KCNH8: variants seen among roughly 807,000 people sequenced by gnomAD.
KCNH8 encodes voltage-gated delayed rectifier potassium channel KCNH8.
A neutral mutation model predicts 103.6 loss-of-function variants in KCNH8; 70 were observed. That is an observed-to-expected ratio of 0.68 (90% confidence interval 0.56 to 0.82). The LOEUF is 0.82. Among genes scored for constraint, KCNH8 ranks in the 40% least tolerant of loss-of-function variants. KCNH8 has a pLI of 0.00. For missense variants in KCNH8, 1,217 were observed against 1,329.9 expected (o/e 0.92, Z 1.32); for synonymous variants, 498 against 489.4 (o/e 1.02, Z -0.23).
At chr3:19,277,816 A>G (rs1289131244) in intron 2 of KCNH8, among the ~76,000 whole-genome samples, 1 of 152,160 alleles carries the variant, frequency 6.6e-6, no homozygotes, top group African/African-American at 2.4e-5. Context: ...TAAAGGTGTC[A>G]TTAACCTAAA....
intron 3 of KCNH8, among the ~76,000 whole-genome samples, chr3:19,296,502 T>C (rs1280248822): frequency 6.6e-6 from 1 of 152,244 alleles, no homozygotes; most frequent in Non-Finnish European, 1.5e-5. Flanking sequence ...TGCATTCCTT[T>C]CCTCTTCTAG....
intron 11 of KCNH8, among the ~76,000 whole-genome samples, chr3:19,501,006 T>C (rs1309559805): frequency 6.6e-6 from 1 of 151,024 alleles, no homozygotes; most frequent in African/African-American, 2.4e-5. Context: ...TTTGAAAGGA[T>C]CAACAAAATT....
chr3:19,240,175 C>G (rs1281374855), intron 1 of KCNH8, among the ~76,000 whole-genome samples: 1 of 152,028 alleles, frequency 6.6e-6, no homozygotes, highest in African/African-American at 2.4e-5. Flanking sequence ...GATGGTTTCT[C>G]CTGATTTTTT....
chr3:19,280,564 T>G (rs1182942411), intron 2 of KCNH8, among the ~76,000 whole-genome samples: 1 of 152,124 alleles, frequency 6.6e-6, no homozygotes, highest in Non-Finnish European at 1.5e-5. Context: ...ATTAGTGATA[T>G]TCATCTATTT....
intron 3 of KCNH8, among the ~76,000 whole-genome samples, chr3:19,285,464 G>T (rs2064817838): frequency 6.6e-6 from 1 of 152,048 alleles, no homozygotes; most frequent in Non-Finnish European, 1.5e-5. Context: ...GTTTATAAGA[G>T]ATAATATATG....
intron 1 of KCNH8, among the ~76,000 whole-genome samples, chr3:19,229,133 CTT>C (rs1332071978): frequency 8.5e-5 from 13 of 152,192 alleles, no homozygotes; most frequent in African/African-American, 2.9e-4. Flanking sequence ...CATTATTTGA[CTT>C]TATTACTTCT....
At chr3:19,373,544 T>A (rs1264957719) in intron 5 of KCNH8, among the ~76,000 whole-genome samples, 2 of 152,212 alleles carry the variant, frequency 1.3e-5, no homozygotes, top group Non-Finnish European at 2.9e-5. Flanking sequence ...GTTTTGTTGA[T>A]CCTTTCAAAA....
At chr3:19,424,135 A>C (rs2125159531) in intron 7 of KCNH8, among the ~76,000 whole-genome samples, 1 of 152,272 alleles carries the variant, frequency 6.6e-6, no homozygotes, top group South Asian at 2.1e-4. Flanking sequence ...GGAACCAAAA[A>C]GTTTCCATAG....
chr3:19,438,054 C>A, intron 7 of KCNH8, 110 bp from the exon 8 acceptor site: 1 of 839,682 alleles, frequency 1.2e-6, no homozygotes, highest in South Asian at 1.6e-5. Context: ...CCTTCTTCTT[C>A]CTCTGAGCAA....
At chr3:19,298,276 A>G (rs985784479) in intron 3 of KCNH8, among the ~76,000 whole-genome samples, 7 of 152,220 alleles carry the variant, frequency 4.6e-5, no homozygotes, top group African/African-American at 1.7e-4. Context: ...CTGCCAGGTC[A>G]CGGTGATGGA....
intron 7 of KCNH8, among the ~76,000 whole-genome samples, chr3:19,409,922 TG>T (rs933550146): frequency 5.9e-5 from 9 of 152,068 alleles, no homozygotes; most frequent in African/African-American, 1.7e-4. Context: ...ACAATAATAG[TG>T]GGGGTATTCA....
chr3:19,429,131 GT>G (rs1412289277), intron 7 of KCNH8, among the ~76,000 whole-genome samples: 5 of 119,388 alleles, frequency 4.2e-5, no homozygotes, highest in Non-Finnish European at 7.1e-5. Flanking sequence ...TTACTTATAT[GT>G]TTTTAAATGC....
At chr3:19,178,269 A>T (rs2063419577) in intron 1 of KCNH8, among the ~76,000 whole-genome samples, 1 of 148,150 alleles carries the variant, frequency 6.7e-6, no homozygotes, top group South Asian at 2.1e-4. Context: ...TAGTCATTTT[A>T]AGTTTTTGTT....
At chr3:19,343,482 GT>G (rs749781840) in intron 4 of KCNH8, among the ~76,000 whole-genome samples, 4 of 152,052 alleles carry the variant, frequency 2.6e-5, no homozygotes, top group Non-Finnish European at 5.9e-5. Flanking sequence ...GATACTCAAA[GT>G]TTTAAGATAA....
intron 1 of KCNH8, among the ~76,000 whole-genome samples, chr3:19,201,231 CAAAAAAAAAAAAAAAA>C (rs1170312203): frequency 1.4e-4 from 3 of 22,054 alleles, no homozygotes; most frequent in Admixed American, 2.0e-3. Flanking sequence ...GACTCTGCCT[CAAAAAAAAAAAAAAAA>C]AAAAAAAAAA....
At chr3:19,304,905 G>T (rs2065110398) in intron 3 of KCNH8, among the ~76,000 whole-genome samples, 1 of 151,886 alleles carries the variant, frequency 6.6e-6, no homozygotes, top group African/African-American at 2.4e-5. Context: ...CCACTGTATT[G>T]GAAAGCATAG....
intron 2 of KCNH8, among the ~76,000 whole-genome samples, chr3:19,280,396 A>G (rs2064739778): frequency 6.6e-6 from 1 of 152,064 alleles, no homozygotes; most frequent in Non-Finnish European, 1.5e-5. Context: ...CCAGCATCCT[A>G]CAACTCCCAG....
intron 3 of KCNH8, among the ~76,000 whole-genome samples, chr3:19,289,254 G>A (rs1442127891): frequency 2.0e-5 from 3 of 151,814 alleles, no homozygotes; most frequent in African/African-American, 7.3e-5. Context: ...GTCAATTTTG[G>A]CTTTTGTTGC....
At chr3:19,304,345 G>A (rs1262193617) in intron 3 of KCNH8, among the ~76,000 whole-genome samples, 6 of 152,032 alleles carry the variant, frequency 3.9e-5, no homozygotes, top group South Asian at 2.1e-4. Context: ...AAACTGCCAA[G>A]ACTTCTACAG....
Sources: allele counts gnomAD v4.1 joint callset (sites outside exome capture counted in the v4.1 genomes callset), GRCh38; gene constraint gnomAD v4.1.1; transcripts MANE v1.5; gene names NCBI Gene and HGNC (gene_info 2026-07-23, HGNC 2026-07-21).